The following ZNF585B variants were observed in gnomAD, a reference collection of about 807,000 sequenced individuals.
The protein encoded by ZNF585B is zinc finger protein 41-like protein.
In ZNF585B, 7 loss-of-function variants were observed where a neutral mutation model predicts 14.0. That is an observed-to-expected ratio of 0.50 (90% CI 0.28 to 0.94). The LOEUF (loss-of-function observed/expected upper bound fraction) is 0.94, where lower values mean the gene tolerates loss of function less well. ZNF585B is among the 40% of genes least tolerant of loss of function. The probability of loss-of-function intolerance (pLI) is 0.09; values close to 1 mark genes in which losing one functional copy is unlikely to be tolerated. For missense variants in ZNF585B, 750 were observed against 924.4 expected, an observed-to-expected ratio of 0.81 and a Z score of 2.45; for synonymous variants, 290 against 317.3, an observed-to-expected ratio of 0.91 and a Z score of 0.91.
At chr19:37,188,851 G>T (rs990758739) in intron 4 of ZNF585B, among the ~76,000 whole-genome samples, 1 of 152,180 alleles carries the variant, frequency 6.6e-6, no homozygotes, top group Non-Finnish European at 1.5e-5. Context: ...TGGATGAAAG[G>T]CCTGAAGGAC....
intron 4 of ZNF585B, 134 bp from the exon 5 acceptor site, chr19:37,187,378 G>GT: frequency 1.5e-6 from 1 of 688,024 alleles, no homozygotes; most frequent in South Asian, 2.3e-5. Context: ...TTCCAAATAA[G>GT]TCACACTGAT....
intron 2 of ZNF585B, among the ~76,000 whole-genome samples, chr19:37,200,066 T>C: frequency 6.8e-6 from 1 of 146,734 alleles, no homozygotes; most frequent in Admixed American, 6.8e-5. Context: ...TAAAATAAAA[T>C]AAAATAAAAT....
rs559067387 is a variant in ZNF585B at position 37,201,462 on chromosome 19, T to C, written c.72+5578A>G. The stretch of plus-strand genomic sequence containing the variant: ...AATCATTAATACTATGAAAGCCTCA[T>C]AACTATATAAGATATCTTATAAGTT... On this transcript the variant is annotated intron_variant, in intron 2 of 4. Transcript: ENST00000532828. Among the ~76,000 whole-genome samples the C allele has an allele frequency of 5.3e-5, 8 of 152,328 alleles. 1 individual carries two copies. In the South Asian group the frequency reaches 8.3e-4, roughly 16 times the overall value.
chr19:37,190,796 C>T (rs1972392429), intron 2 of ZNF585B, among the ~76,000 whole-genome samples: 1 of 152,014 alleles, frequency 6.6e-6, no homozygotes, highest in African/African-American at 2.4e-5. Context: ...TATCTCCTGA[C>T]CTCGTGATCT....
intron 1 of ZNF585B, among the ~76,000 whole-genome samples, chr19:37,209,723 C>CTTTTTTTTT: frequency 8.5e-6 from 1 of 117,998 alleles, no homozygotes; most frequent in Non-Finnish European, 1.7e-5. Flanking sequence ...AAGTGCACTT[C>CTTTTTTTTT]TTTTTTTTTT....
intron 1 of ZNF585B, among the ~76,000 whole-genome samples, chr19:37,209,898 G>C (rs926542058): frequency 3.3e-5 from 5 of 151,676 alleles, no homozygotes; most frequent in African/African-American, 1.2e-4. Flanking sequence ...TGTATTTTTA[G>C]TAGAGACGGG....
Position 37,186,942 on chromosome 19 carries a change from A to G in ZNF585B, c.595T>C (p.Ser199Pro), listed in dbSNP as rs370990905. The G allele has an allele frequency of 2.4e-5, 38 of 1,614,066 alleles. No homozygotes were observed. The highest frequency in any genetic ancestry group is 1.6e-4 in the Middle Eastern group (1 of 6,084). The change falls in exon 5 of 5, where the codon TCG becomes CCG. Residue 199 changes from serine (S) to proline (P), a missense_variant. Physicochemically the swap from Ser to Pro is moderately conservative, Grantham distance 74. Transcript: ENST00000532828. Reference protein sequence around the residue: ...NECGKSFFQVSSLFRHHRIHT... With the variant: ...NECGKSFFQVPSLFRHHRIHT... ...ATTCTGTGATGCCTGAAAAGAGACG[A>G]TACTTGAAAAAAGGATTTTCCACAT...
intron 4 of ZNF585B, 43 bp from the exon 5 acceptor site, chr19:37,187,287 C>T (rs1265568110): frequency 1.4e-6 from 2 of 1,381,092 alleles, no homozygotes; most frequent in Admixed American, 2.1e-5. Context: ...GACATTTTAC[C>T]ATAGTTAGTA....
At chr19:37,208,467 T>A (rs939399114) in intron 1 of ZNF585B, among the ~76,000 whole-genome samples, 4 of 152,172 alleles carry the variant, frequency 2.6e-5, no homozygotes, top group Non-Finnish European at 5.9e-5. Context: ...TTTCTGATTA[T>A]GTTTCCTAAT....
chr19:37,186,405 C>A lies in ZNF585B; in HGVS notation c.1132G>T (p.Gly378Ter). 1 of 1,614,144 alleles carries A rather than the reference C, an allele frequency of 6.2e-7. No individual in the cohort carries two copies. Among genetic ancestry groups the A allele is most frequent in the Non-Finnish European group, 8.5e-7 (1 of 1,180,032 alleles). The change falls in exon 5 of 5, where the codon GGA becomes TGA. Residue 378 changes from glycine to a stop codon, truncating the protein, a stop_gained. Transcript: ENST00000532828. LOFTEE classifies it low-confidence loss of function (END_TRUNC). ...TCACTGCATTCATAAGGTTTCTCTC[C>A]AGTGTGAATTCTCTGATGAATAATC... ...ELIIHQRIHT[G>*]EKPYECSDCG...
chr19:37,189,970 A>G (rs1972381192), intron 3 of ZNF585B, 54 bp downstream of exon 3: 3 of 1,602,982 alleles, frequency 1.9e-6, no homozygotes, highest in South Asian at 2.2e-5. Flanking sequence ...TCAACTGAGA[A>G]TGAAAACACT....
Position 37,187,041 on chromosome 19 carries a change from C to G in ZNF585B, c.496G>C (p.Ala166Pro). Reference protein sequence around the residue: ...KLYVCIECGRAFVQKPEFITH... With the variant: ...KLYVCIECGRPFVQKPEFITH... Reference sequence around the variant, plus strand: ...ATGAATTCTGGCTTCTGTACAAAAGCCCTCCCACATTCAATACATACATAG... The same window carrying G: ...ATGAATTCTGGCTTCTGTACAAAAGGCCTCCCACATTCAATACATACATAG... Residue 166 changes from alanine to proline, a missense_variant, in exon 5 of 5, where the codon GCT becomes CCT. Around this residue, in one of 2 missense-constraint regions of ZNF585B, gnomAD observed 517 missense variants for 570.3 expected, o/e 0.91. Coordinates refer to ENST00000532828, the MANE Select transcript of ZNF585B (RefSeq NM_152279.4). The G allele has an allele frequency of 6.2e-7, 1 of 1,613,046 alleles. No individual in the cohort carries two copies. Among genetic ancestry groups the G allele is most frequent in the Non-Finnish European group, 8.5e-7 (1 of 1,179,712 alleles).
chr19:37,199,037 A>C (rs934344903), intron 2 of ZNF585B: 6 of 1,523,354 alleles, frequency 3.9e-6, no homozygotes, highest in Admixed American at 2.0e-5. Flanking sequence ...CATTTCTTTG[A>C]AAATGGTACC....
intron 2 of ZNF585B, among the ~76,000 whole-genome samples, chr19:37,201,196 A>G (rs185967216): frequency 1.4e-4 from 21 of 152,270 alleles, no homozygotes; most frequent in Admixed American, 3.9e-4. Flanking sequence ...TGGAATTGCC[A>G]AAGGAAAGGA....
chr19:37,208,991 C>CAAA (rs201758682), intron 1 of ZNF585B, among the ~76,000 whole-genome samples: 64 of 143,600 alleles, frequency 4.5e-4, no homozygotes, highest in Admixed American at 1.2e-3. Context: ...GACTCTGTCT[C>CAAA]AAAAAAAAAA....
At chr19:37,191,079 C>T (rs936228900) in intron 2 of ZNF585B, among the ~76,000 whole-genome samples, 2 of 152,120 alleles carry the variant, frequency 1.3e-5, no homozygotes, top group South Asian at 4.1e-4. Context: ...GTCATCACTA[C>T]ACTTTCTCTT....
intron 2 of ZNF585B, among the ~76,000 whole-genome samples, chr19:37,192,168 T>A (rs757636278): frequency 3.3e-5 from 5 of 152,204 alleles, no homozygotes; most frequent in Non-Finnish European, 7.3e-5. Flanking sequence ...TTATTTATGT[T>A]ACTAGTCTTC....
Position 37,186,320 on chromosome 19 carries a change from C to A in ZNF585B, c.1217G>T (p.Gly406Val). The A allele has an allele frequency of 6.2e-7, 1 of 1,614,008 alleles. No homozygotes were observed. Among genetic ancestry groups the A allele is most frequent in the African/African-American group, 1.3e-5 (1 of 75,042 alleles). ...TTTCATGCATATATACGATTTTTCT[C>A]CTGTATGAATTCTCTGATGCACTGT... ...ALTVHQRIHT[G>V]EKSYICMKCG... The change falls in exon 5 of 5, where the codon GGA becomes GTA. Residue 406 changes from glycine to valine, a missense_variant. By Grantham distance (109) the Gly-to-Val change is moderately radical. Transcript: ENST00000532828.
Position 37,184,417 on chromosome 19 carries a change from A to AAG in ZNF585B, c.*809_*810insCT, listed in dbSNP as rs1555778252. On this transcript the variant is annotated 3_prime_UTR_variant, in exon 5 of 5. Coordinates refer to ENST00000532828, the MANE Select transcript of ZNF585B (RefSeq NM_152279.4). ...GAAAGAAAGAAAGAAAGAAAGAAAG[A>AAG]GAAAGAAAGAAAAAGAAAGAAAGAA... The AAG allele has an allele frequency of 9.5e-4, 14 of 14,708 alleles. 1 individual carries two copies. Among genetic ancestry groups the AAG allele is most frequent in the South Asian group, 6.0e-3 (2 of 332 alleles). The allele number at this position is 14,708 out of a possible 1,614,324, so 0.9% of individuals were successfully genotyped here.
Sources: allele counts gnomAD v4.1 joint callset (sites outside exome capture counted in the v4.1 genomes callset), GRCh38; gene constraint gnomAD v4.1.1; regional missense constraint gnomAD v4.1.1; transcripts MANE v1.5; gene names NCBI Gene and HGNC (gene_info 2026-07-23, HGNC 2026-07-21).